SRD5A2: variants seen among roughly 807,000 people sequenced by gnomAD.
The protein encoded by SRD5A2 is steroid 5 alpha-reductase 2, also known as 3-oxo-5-alpha-steroid 4-dehydrogenase 2.
A neutral mutation model predicts 27.4 loss-of-function variants in SRD5A2; 30 were observed. The ratio of observed to expected loss-of-function variants is 1.10; its 90% CI spans 0.82 to 1.49. SRD5A2 has a LOEUF of 1.49. Among genes scored for constraint, SRD5A2 ranks in the 40% most tolerant of loss-of-function variants. SRD5A2 has a pLI of 0.00. For missense variants in SRD5A2, 348 were observed against 323.4 expected, an observed-to-expected ratio of 1.08 and a Z score of -0.58; for synonymous variants, 141 against 133.6, an observed-to-expected ratio of 1.06 and a Z score of -0.38.
intron 1 of SRD5A2, among the ~76,000 whole-genome samples, chr2:31,542,091 G>A (rs1666140582): frequency 6.6e-6 from 1 of 152,200 alleles, no homozygotes. Flanking sequence ...AGCCAGGGTG[G>A]CTAAGGAAGT....
chr2:31,534,984 CA>C (rs1449490480), intron 1 of SRD5A2, among the ~76,000 whole-genome samples: 1 of 150,660 alleles, frequency 6.6e-6, no homozygotes, highest in African/African-American at 2.4e-5. Context: ...GAGTGACTGG[CA>C]AAAGTATGCA....
chr2:31,642,001 T>C, the SRD5A2 span, among the ~76,000 whole-genome samples: 1 of 151,918 alleles, frequency 6.6e-6, no homozygotes, highest in African/African-American at 2.4e-5. Flanking sequence ...TTCCGAGACA[T>C]ACTAAAAAGA....
the SRD5A2 span, among the ~76,000 whole-genome samples, chr2:31,638,405 G>C: frequency 6.6e-6 from 1 of 152,074 alleles, no homozygotes; most frequent in African/African-American, 2.4e-5. Context: ...GTATTCTACA[G>C]CAGTTGGATG....
intron 1 of SRD5A2, among the ~76,000 whole-genome samples, chr2:31,552,169 AC>A (rs1666393908): frequency 6.6e-6 from 1 of 150,634 alleles, no homozygotes; most frequent in Non-Finnish European, 1.5e-5. Context: ...TAATATACAC[AC>A]CAAAATACCT....
At chr2:31,645,890 T>C in the SRD5A2 span, among the ~76,000 whole-genome samples, 1 of 152,172 alleles carries the variant, frequency 6.6e-6, no homozygotes, top group Non-Finnish European at 1.5e-5. Flanking sequence ...TATATTCACC[T>C]GACTACACAC....
chr2:31,589,822 C>T, the SRD5A2 span, among the ~76,000 whole-genome samples: 1 of 152,016 alleles, frequency 6.6e-6, no homozygotes, highest in Non-Finnish European at 1.5e-5. Context: ...GGAAGGGAGG[C>T]CTGAGAGCCC....
the SRD5A2 span, among the ~76,000 whole-genome samples, chr2:31,607,768 A>C: frequency 5.3e-5 from 8 of 152,024 alleles, no homozygotes. Context: ...AAAATTATGT[A>C]ATCCATATGT....
At chr2:31,573,940 T>A (rs1389915373) in intron 1 of SRD5A2, among the ~76,000 whole-genome samples, 1 of 152,240 alleles carries the variant, frequency 6.6e-6, no homozygotes, top group African/African-American at 2.4e-5. Flanking sequence ...TTCCTGGATC[T>A]CTCAGTTAGT....
At chr2:31,618,157 A>G in the SRD5A2 span, among the ~76,000 whole-genome samples, 1 of 152,158 alleles carries the variant, frequency 6.6e-6, no homozygotes, top group Admixed American at 6.6e-5. Flanking sequence ...GCTTGTGCAG[A>G]GGAACTCCCA....
At chr2:31,592,205 G>A in the SRD5A2 span, among the ~76,000 whole-genome samples, 1 of 151,686 alleles carries the variant, frequency 6.6e-6, no homozygotes, top group Non-Finnish European at 1.5e-5. Context: ...GCAGATGGTG[G>A]TCTTTTGAAA....
At chr2:31,561,796 T>A (rs536425718) in intron 1 of SRD5A2, among the ~76,000 whole-genome samples, 9 of 152,252 alleles carry the variant, frequency 5.9e-5, no homozygotes, top group East Asian at 5.8e-4. Context: ...GGCTCCATTT[T>A]AAAAAAATTT....
chr2:31,632,719 T>G, the SRD5A2 span, among the ~76,000 whole-genome samples: 20 of 152,230 alleles, frequency 1.3e-4, no homozygotes, highest in Non-Finnish European at 2.6e-4. Context: ...AGCCACAAAG[T>G]TGTGACTGAG....
chr2:31,569,648 T>C (rs1666810076), intron 1 of SRD5A2, among the ~76,000 whole-genome samples: 1 of 149,300 alleles, frequency 6.7e-6, no homozygotes. Context: ...ACTAAAACAA[T>C]TGACTGTCCA....
intron 1 of SRD5A2, among the ~76,000 whole-genome samples, chr2:31,543,938 C>G (rs999452311): frequency 2.6e-5 from 4 of 151,806 alleles, no homozygotes; most frequent in Non-Finnish European, 4.4e-5. Flanking sequence ...ATGCTGTTTA[C>G]AAGAGACTCA....
chr2:31,635,226 T>C, the SRD5A2 span, among the ~76,000 whole-genome samples: 17 of 152,296 alleles, frequency 1.1e-4, no homozygotes, highest in East Asian at 2.5e-3. Flanking sequence ...CACTTTTTGA[T>C]ACAAGCCATT....
the SRD5A2 span, among the ~76,000 whole-genome samples, chr2:31,625,652 T>A: frequency 6.6e-6 from 1 of 152,212 alleles, no homozygotes; most frequent in Non-Finnish European, 1.5e-5. Flanking sequence ...GTCAGGTTTG[T>A]CAAAGATCAG....
chr2:31,600,886 G>T, the SRD5A2 span, among the ~76,000 whole-genome samples: 3 of 151,834 alleles, frequency 2.0e-5, no homozygotes, highest in Non-Finnish European at 4.4e-5. Flanking sequence ...TTCTTCCAGG[G>T]ATGCAAGGAT....
At chr2:31,630,737 T>TA in the SRD5A2 span, among the ~76,000 whole-genome samples, 1 of 152,186 alleles carries the variant, frequency 6.6e-6, no homozygotes, top group Admixed American at 6.5e-5. Context: ...TCAAAAATCT[T>TA]AAAGTATGGG....
the SRD5A2 span, among the ~76,000 whole-genome samples, chr2:31,640,957 G>C: frequency 6.6e-6 from 1 of 152,146 alleles, no homozygotes; most frequent in African/African-American, 2.4e-5. Context: ...TGTGAGTTAG[G>C]TGGCGATTTT....
Sources: allele counts gnomAD v4.1 joint callset (sites outside exome capture counted in the v4.1 genomes callset), GRCh38; gene constraint gnomAD v4.1.1; transcripts MANE v1.5; gene names NCBI Gene and HGNC (gene_info 2026-07-23, HGNC 2026-07-21).